ACOX3: variants seen among roughly 807,000 people sequenced by gnomAD.
ACOX3 encodes peroxisomal acyl-coenzyme A oxidase 3.
ACOX3 carries 73 observed loss-of-function variants against 81.5 expected under a neutral mutation model. The ratio of observed to expected loss-of-function variants is 0.90; its 90% CI spans 0.74 to 1.09. ACOX3 has a LOEUF of 1.09. ACOX3 is among the 50% of genes least tolerant of loss of function. The probability of loss-of-function intolerance (pLI) is 0.00; values close to 1 mark genes in which losing one functional copy is unlikely to be tolerated. For missense variants in ACOX3, 947 were observed against 928.0 expected (o/e 1.02, Z -0.27); for synonymous variants, 387 against 375.1 (o/e 1.03, Z -0.37).
chr4:8,415,074 G>T (rs1359234600), intron 3 of ACOX3, 146 bp from the exon 4 acceptor site: 1 of 785,050 alleles, frequency 1.3e-6, no homozygotes, highest in South Asian at 1.6e-5. Context: ...GAGAACAAGT[G>T]CTGAGAGGTT....
chr4:8,410,398 A>C (rs1344802307), intron 5 of ACOX3, 43 bp from the exon 6 acceptor site: 1 of 1,602,682 alleles, frequency 6.2e-7, no homozygotes, highest in Non-Finnish European at 8.5e-7. Context: ...TAGCAACTAA[A>C]GCACATGCAG....
rs532574439 is a variant in ACOX3, at chr4:8,366,898, G to T, written c.*63C>A. The stretch of plus-strand genomic sequence containing the variant: ...CCGGCGTGTTCTGGAATCAGAAGTT[G>T]AGGTCCACGTCTGATTAGTTCCCTT... On this transcript the variant is annotated 3_prime_UTR_variant, in exon 18 of 18. Transcript: ENST00000356406. 1.9e-6 allele frequency: 3 copies of T among 1,586,832 alleles called. No individual in the cohort carries two copies. Among genetic ancestry groups the T allele is most frequent in the African/African-American group, 2.7e-5 (2 of 74,366 alleles).
Position 8,407,201 on chromosome 4 carries a change from T to A in ACOX3, c.688-1158A>T, listed in dbSNP as rs914782910. Reference sequence around the variant, plus strand: ...GCTCCTATCTCTGTATGGCCTGGTTTTTCCTAGGTTATGATTATAGAGCGA... The same window carrying A: ...GCTCCTATCTCTGTATGGCCTGGTTATTCCTAGGTTATGATTATAGAGCGA... On this transcript the variant is annotated intron_variant, in intron 6 of 17. Transcript: ENST00000356406. This position sits in a 1 kb window ranked among gnomAD's most constrained non-coding sequence, Gnocchi z 4.6. Among the ~76,000 whole-genome samples, 1 of 152,240 alleles carries A rather than the reference T, an allele frequency of 6.6e-6. No homozygotes were observed. Among genetic ancestry groups the A allele is most frequent in the African/African-American group, 2.4e-5 (1 of 41,450 alleles).
intron 14 of ACOX3, among the ~76,000 whole-genome samples, chr4:8,377,255 C>T (rs535418851): frequency 8.5e-5 from 13 of 152,306 alleles, no homozygotes; most frequent in African/African-American, 2.4e-4. Context: ...CCCTGTGCCC[C>T]GCACCACTCT....
In ACOX3 at chr4:8,382,365, T is replaced by C. The variant is rs1717776948; in HGVS notation, c.1538-758A>G. Among the ~76,000 whole-genome samples the C allele has an allele frequency of 6.6e-6, 1 of 152,110 alleles. No homozygotes were observed. The highest frequency in any genetic ancestry group is 6.5e-5 in the Admixed American group (1 of 15,276). The stretch of plus-strand genomic sequence containing the variant: ...AGTACTCCGTATGGACCAGGCATGG[T>C]CCTGAGACCCCACCAGGCTGTACTG... On this transcript the variant is annotated intron_variant, in intron 13 of 17. Coordinates refer to ENST00000356406, the MANE Select transcript of ACOX3 (RefSeq NM_003501.3). The surrounding 1 kb of genome is among the most constrained non-coding windows in gnomAD (Gnocchi z 4.1).
At chr4:8,383,212 C>A (rs1245612486) in intron 13 of ACOX3, among the ~76,000 whole-genome samples, 2 of 152,206 alleles carry the variant, frequency 1.3e-5, no homozygotes, top group African/African-American at 4.8e-5. Context: ...GCTGACCCCG[C>A]AGGCAGGGCA....
intron 1 of ACOX3, among the ~76,000 whole-genome samples, chr4:8,418,170 G>A (rs991837642): frequency 1.3e-5 from 2 of 152,182 alleles, no homozygotes; most frequent in Non-Finnish European, 2.9e-5. Context: ...CTCATTCTAT[G>A]AGGCCAGTAT....
In ACOX3 at chr4:8,389,847, G is replaced by T; in HGVS notation, c.1301-113C>A. 1 of 1,412,110 alleles carries T rather than the reference G, an allele frequency of 7.1e-7. No individual in the cohort carries two copies. The highest frequency in any genetic ancestry group is 9.7e-7 in the Non-Finnish European group (1 of 1,033,960). The allele number at this position is 1,412,110 out of a possible 1,614,324, so 87.5% of individuals were successfully genotyped here. A position where few individuals can be genotyped will look rare whatever the true frequency, so the allele number is the denominator to read the frequency against. On this transcript the variant is annotated intron_variant, in intron 11 of 17. Transcript: ENST00000356406. This position sits in a 1 kb window ranked among gnomAD's most constrained non-coding sequence, Gnocchi z 5.3. ...AGGCTGGGTGCGGTGGCTCACACCTGTAATGGCAGCACTTTGGGGGGCCGA... is the reference window on the plus strand; with the variant it reads ...AGGCTGGGTGCGGTGGCTCACACCTTTAATGGCAGCACTTTGGGGGGCCGA...
At chr4:8,367,709 C>T (rs188686016) in intron 17 of ACOX3, among the ~76,000 whole-genome samples, 33 of 142,784 alleles carry the variant, frequency 2.3e-4, no homozygotes, top group African/African-American at 8.3e-4. Flanking sequence ...GTGGCTCGTT[C>T]CTGTAATCCC....
At chr4:8,372,242 G>A (rs1324853325) in intron 16 of ACOX3, among the ~76,000 whole-genome samples, 1 of 152,174 alleles carries the variant, frequency 6.6e-6, no homozygotes, top group East Asian at 1.9e-4. Context: ...CTACAGGCAT[G>A]TGCCACCAAG....
At position 8,389,090 on chromosome 4, in the gene ACOX3, C is replaced by T. The variant is rs1718652978; in HGVS notation, c.1537+83G>A. On this transcript the variant is annotated intron_variant, in intron 13 of 17. Transcript: ENST00000356406. The surrounding 1 kb of genome is among the most constrained non-coding windows in gnomAD (Gnocchi z 5.3). ...TGCCCCGGCTGGAACTGCCAAGGGTCCCCTCACCGAGGCACGGTGCGTTTC... is the reference window on the plus strand; with the variant it reads ...TGCCCCGGCTGGAACTGCCAAGGGTTCCCTCACCGAGGCACGGTGCGTTTC... The T allele has an allele frequency of 8.7e-7, 1 of 1,146,206 alleles. No homozygotes were observed. Among genetic ancestry groups the T allele is most frequent in the African/African-American group, 1.5e-5 (1 of 65,506 alleles). 71.0% of individuals were successfully genotyped at this position (1,146,206 alleles called of 1,614,324 possible). A position where few individuals can be genotyped will look rare whatever the true frequency, so the allele number is the denominator to read the frequency against.
intron 1 of ACOX3, chr4:8,436,143 T>C (rs1227695971): frequency 6.6e-6 from 1 of 152,240 alleles, no homozygotes; most frequent in Non-Finnish European, 1.5e-5. Context: ...GGAAACACCC[T>C]GAACCCGCCA....
chr4:8,415,612 T>G lies in ACOX3; in HGVS notation c.378+154A>C, dbSNP rs1329070434. ...ATGAAAAGGGGGACTGAAATTTTTTTAAAAACATTAAAAAAAAGATAATTT... is the reference window on the plus strand; with the variant it reads ...ATGAAAAGGGGGACTGAAATTTTTTGAAAAACATTAAAAAAAAGATAATTT... On this transcript the variant is annotated intron_variant, in intron 3 of 17. Coordinates refer to ENST00000356406, the MANE Select transcript of ACOX3 (RefSeq NM_003501.3). Among the ~76,000 whole-genome samples the G allele has an allele frequency of 3.9e-5, 6 of 152,234 alleles. No individual in the cohort carries two copies. The East Asian group carries it at 1.2e-3, about 29-fold the overall frequency.
In ACOX3 at chr4:8,386,372, C is replaced by G. The variant is rs556817659; in HGVS notation, c.1537+2801G>C. 2.6e-5 allele frequency among the ~76,000 whole-genome samples: 4 copies of G among 152,130 alleles called. No homozygotes were observed. In the South Asian group the frequency reaches 6.2e-4, roughly 24 times the overall value. On this transcript the variant is annotated intron_variant, in intron 13 of 17. Coordinates refer to ENST00000356406, the MANE Select transcript of ACOX3 (RefSeq NM_003501.3). The surrounding 1 kb of genome is among the most constrained non-coding windows in gnomAD (Gnocchi z 5.2). ...ACGAGGTCAGGATATCGAGACCATCCTGCCTAACACGGTGAAACTCCGTCT... is the reference window on the plus strand; with the variant it reads ...ACGAGGTCAGGATATCGAGACCATCGTGCCTAACACGGTGAAACTCCGTCT...
chr4:8,411,546 A>G (rs2108961263), intron 5 of ACOX3, among the ~76,000 whole-genome samples: 1 of 152,294 alleles, frequency 6.6e-6, no homozygotes, highest in South Asian at 2.1e-4. Context: ...TTCATTCTTC[A>G]GCACGCGGCA....
intron 15 of ACOX3, 190 bp downstream of exon 15, chr4:8,374,788 C>T (rs578118956): frequency 6.8e-6 from 4 of 584,858 alleles, no homozygotes; most frequent in South Asian, 1.2e-4. Context: ...TTTCTCGGCA[C>T]CACCCTGACG....
chr4:8,397,452 G>T (rs1719845320), intron 8 of ACOX3, among the ~76,000 whole-genome samples: 1 of 152,218 alleles, frequency 6.6e-6, no homozygotes, highest in African/African-American at 2.4e-5. Context: ...AGATTCCAAG[G>T]CCCACCTTTA....
chr4:8,393,455 C>G lies in ACOX3; in HGVS notation c.1180-1002G>C, dbSNP rs1012581026. Reference sequence around the variant, plus strand: ...AGTGAGCCAAGATCGCACCACTGCACTCCAGCCTGGGCAACAGAGCGAGAC... The same window carrying G: ...AGTGAGCCAAGATCGCACCACTGCAGTCCAGCCTGGGCAACAGAGCGAGAC... On this transcript the variant is annotated intron_variant, in intron 10 of 17. Transcript: ENST00000356406. Among the ~76,000 whole-genome samples the G allele has an allele frequency of 3.1e-5, 3 of 95,264 alleles. 1 individual carries two copies. The highest frequency in any genetic ancestry group is 1.6e-4 in the African/African-American group (3 of 18,714). The allele number at this position is 95,264 out of a possible 152,430, so 62.5% of individuals were successfully genotyped here.
In ACOX3 at chr4:8,385,525, G is replaced by C. The variant is rs1171676572; in HGVS notation, c.1537+3648C>G. Among the ~76,000 whole-genome samples, 1 of 152,252 alleles carries C rather than the reference G, an allele frequency of 6.6e-6. No individual in the cohort carries two copies. The highest frequency in any genetic ancestry group is 1.5e-5 in the Non-Finnish European group (1 of 68,046). On this transcript the variant is annotated intron_variant, in intron 13 of 17. Transcript: ENST00000356406. The surrounding 1 kb of genome is among the most constrained non-coding windows in gnomAD (Gnocchi z 5.5). ...ATGCATACGAGCCAGCTAAACAACA[G>C]GGCCCACTGCAGGAAGCAACAGCAC...
Sources: gnomAD v4.1 joint callset for allele counts (sites outside exome capture counted in the v4.1 genomes callset) on GRCh38, gnomAD v4.1.1 for gene constraint, Gnocchi (gnomAD v3.1) non-coding constraint, MANE v1.5 for transcripts, NCBI Gene and HGNC (gene_info 2026-07-23, HGNC 2026-07-21) for gene names.